TUT4: variants seen among roughly 807,000 people sequenced by gnomAD.
TUT4 encodes terminal uridylyltransferase 4.
Under a neutral mutation model 192.2 loss-of-function variants are expected in TUT4, and 36 were observed. That is an observed-to-expected ratio of 0.19 (90% CI 0.14 to 0.25). TUT4 has a LOEUF of 0.25. Ranked by LOEUF, TUT4 falls within the 10% of genes least tolerant of loss-of-function variation. TUT4 has a pLI of 1.00. For synonymous variants in TUT4, 618 were observed against 666.0 expected (o/e 0.93, Z 1.11); for missense variants, 1,493 against 1,957.2 (o/e 0.76, Z 4.47).
At chr1:52,521,114 T>C (rs1680150645) in intron 2 of TUT4, among the ~76,000 whole-genome samples, 1 of 152,200 alleles carries the variant, frequency 6.6e-6, no homozygotes. Context: ...ATATTTTTCT[T>C]ATTTATTGTG....
intron 2 of TUT4, 59 bp downstream of exon 2, chr1:52,525,504 A>G: frequency 6.5e-7 from 1 of 1,529,030 alleles, no homozygotes; most frequent in African/African-American, 1.4e-5. Flanking sequence ...TAAAATGGTT[A>G]AACCGGGGAT....
In TUT4 at chr1:52,497,106, G is replaced by A; in HGVS notation, c.1077C>T (p.Val359=). The A allele has an allele frequency of 1.2e-6, 2 of 1,613,950 alleles. No individual in the cohort carries two copies. Among genetic ancestry groups the A allele is most frequent in the East Asian group, 2.2e-5 (1 of 44,862 alleles). ...TTCCATGTTCTTTTGCTAATTCAATGACTGCAACACTTAAAGCAGCCAAGT... is the reference window on the plus strand; with the variant it reads ...TTCCATGTTCTTTTGCTAATTCAATAACTGCAACACTTAAAGCAGCCAAGT... The part of the protein sequence containing the change: ...PAHLAALSVA[V]IELAKEHGIT... The change falls in exon 5 of 30, where the codon GTC becomes GTT. Residue 359 remains valine (V), a synonymous_variant. Transcript: ENST00000257177.
chr1:52,521,083 C>T (rs948718608), intron 2 of TUT4, among the ~76,000 whole-genome samples: 2 of 151,998 alleles, frequency 1.3e-5, no homozygotes, highest in Non-Finnish European at 1.5e-5. Flanking sequence ...CGTGAGCCAC[C>T]GTGCCCGGCC....
intron 3 of TUT4, among the ~76,000 whole-genome samples, chr1:52,514,021 TTATTA>T (rs1318073686): frequency 6.6e-6 from 1 of 152,254 alleles, no homozygotes; most frequent in African/African-American, 2.4e-5. Context: ...AGGTCAATCT[TTATTA>T]TATTATAAAT....
Position 52,489,084 on chromosome 1 carries a change from C to G in TUT4, c.1389-49G>C, listed in dbSNP as rs758570100. 2.0e-6 allele frequency: 3 copies of G among 1,527,502 alleles called. No individual in the cohort carries two copies. In the East Asian group the frequency reaches 7.1e-5, roughly 36 times the overall value. 94.6% of individuals were successfully genotyped at this position (1,527,502 alleles called of 1,614,324 possible). ...TTCATTGTATTAATACCCTTAAAAG[C>G]AGAATACTTCAAATCCTGTGGCTAT... On this transcript the variant is annotated intron_variant, in intron 8 of 29. Coordinates refer to ENST00000257177, the MANE Select transcript of TUT4 (RefSeq NM_001009881.3).
intron 2 of TUT4, among the ~76,000 whole-genome samples, chr1:52,520,212 G>C (rs1271738125): frequency 6.6e-6 from 1 of 152,198 alleles, no homozygotes; most frequent in Admixed American, 6.5e-5. Flanking sequence ...GGGCAAGGCA[G>C]AGAAATAGGG....
In TUT4 at chr1:52,496,091, A is replaced by T. The variant is rs760303956; in HGVS notation, c.1178-576T>A. On this transcript the variant is annotated intron_variant, in intron 5 of 29. Coordinates refer to ENST00000257177, the MANE Select transcript of TUT4 (RefSeq NM_001009881.3). ...ACATGTTATTCCAAAAATCATAATA[A>T]GGCAAATGTTAAAAGGATCTCACCA... 5.9e-5 allele frequency among the ~76,000 whole-genome samples: 9 copies of T among 152,190 alleles called. 1 individual carries two copies. Among genetic ancestry groups the T allele is most frequent in the Admixed American group, 1.3e-4 (2 of 15,270 alleles).
chr1:52,509,804 G>C lies in TUT4; in HGVS notation c.883-92C>G, dbSNP rs936714118. ...AGTGAATAATACAATTATGTAAGTA[G>C]ACAGAAATAAGCACTGAAGGTTTTT... On this transcript the variant is annotated intron_variant, in intron 3 of 29. Transcript: ENST00000257177. 6.3e-6 allele frequency: 5 copies of C among 798,456 alleles called. No individual in the cohort carries two copies. The Admixed American group carries it at 1.1e-4, about 18-fold the overall frequency. 49.5% of individuals were successfully genotyped at this position (798,456 alleles called of 1,614,324 possible). A position where few individuals can be genotyped will look rare whatever the true frequency, so the allele number is the denominator to read the frequency against.
chr1:52,461,001 A>G (rs1272086902), intron 19 of TUT4, 133 bp downstream of exon 19: 2 of 635,364 alleles, frequency 3.1e-6, no homozygotes, highest in Non-Finnish European at 5.1e-6. Flanking sequence ...TTCAAGCTAT[A>G]TAATACTGAA....
chr1:52,439,581 A>G (rs1410517428), intron 24 of TUT4, among the ~76,000 whole-genome samples: 2 of 152,250 alleles, frequency 1.3e-5, no homozygotes, highest in Non-Finnish European at 2.9e-5. Context: ...GGATAAAAGT[A>G]TAAGAGACAC....
rs568419411 is a variant in TUT4, at chr1:52,430,964, C to A, written c.4711+49G>T. 2.1e-5 allele frequency: 32 copies of A among 1,510,196 alleles called. No individual in the cohort carries two copies. In the East Asian group the frequency reaches 7.1e-4, roughly 33 times the overall value. 93.5% of individuals were successfully genotyped at this position (1,510,196 alleles called of 1,614,324 possible). A position where few individuals can be genotyped will look rare whatever the true frequency, so the allele number is the denominator to read the frequency against. On this transcript the variant is annotated intron_variant, in intron 28 of 29. Coordinates refer to ENST00000257177, the MANE Select transcript of TUT4 (RefSeq NM_001009881.3). ...CTCACATTGTTTCTACAGACAGATA[C>A]AAAAGAAGAAAAGACATGCAGATAA...
intron 3 of TUT4, among the ~76,000 whole-genome samples, chr1:52,509,987 T>C (rs978145469): frequency 1.3e-5 from 2 of 152,144 alleles, no homozygotes; most frequent in Non-Finnish European, 2.9e-5. Flanking sequence ...TGTTTAATAT[T>C]CACCTACTAT....
At position 52,423,991 on chromosome 1, in the gene TUT4, T is replaced by C. The variant is rs1223117063; in HGVS notation, c.4882A>G (p.Thr1628Ala). ...GGACAACGCTCTCTACACCGACGGG[T>C]GGCACATCTGTCTGTTGGATACAAC... ...KPFYTQDRCA[T>A]RRCRERCPHP... The change falls in exon 30 of 30, where the codon ACC (threonine) becomes GCC (alanine). Residue 1628 changes from threonine to alanine, a missense_variant. Thr to Ala is a moderately conservative substitution (Grantham distance 58). Coordinates refer to ENST00000257177, the MANE Select transcript of TUT4 (RefSeq NM_001009881.3). 1 of 1,611,584 alleles carries C rather than the reference T, an allele frequency of 6.2e-7. No individual in the cohort carries two copies. Among genetic ancestry groups the C allele is most frequent in the Non-Finnish European group, 8.5e-7 (1 of 1,178,962 alleles).
At chr1:52,502,541 T>C (rs184128240) in intron 4 of TUT4, among the ~76,000 whole-genome samples, 1 of 151,622 alleles carries the variant, frequency 6.6e-6, no homozygotes, top group East Asian at 1.9e-4. Context: ...TCAGTAATAA[T>C]CTCCTTCTCC....
At chr1:52,514,424 G>C (rs1001617894) in intron 3 of TUT4, among the ~76,000 whole-genome samples, 1 of 152,196 alleles carries the variant, frequency 6.6e-6, no homozygotes, top group South Asian at 2.1e-4. Flanking sequence ...CTGGGCAACA[G>C]AGCGAGACTC....
Position 52,468,238 on chromosome 1 carries a change from G to A in TUT4, c.2908C>T (p.His970Tyr). ...DELSPPCSEQ[H>Y]NREQILIGLE... ...CCAATTAAAATTTGCTCCCTGTTGT[G>A]TTGTTCAGAACAAGGTGGTGATAAC... Residue 970 changes from histidine (H) to tyrosine (Y), a missense_variant, in exon 15 of 30, where the codon CAC becomes TAC. By Grantham distance (83) the His-to-Tyr change is moderately conservative. This residue lies in a region of TUT4 where 59 missense variants were observed against 114.3 expected (regional missense o/e 0.52). Transcript: ENST00000257177. 5 of 1,608,944 alleles carry A rather than the reference G, an allele frequency of 3.1e-6. No homozygotes were observed. The highest frequency in any genetic ancestry group is 4.2e-6 in the Non-Finnish European group (5 of 1,178,760).
At chr1:52,496,707 A>G (rs2149149555) in intron 5 of TUT4, among the ~76,000 whole-genome samples, 1 of 152,320 alleles carries the variant, frequency 6.6e-6, no homozygotes, top group East Asian at 1.9e-4. Flanking sequence ...AAATAATATA[A>G]CAAAATAGTC....
In TUT4 at chr1:52,436,875, C is replaced by T. The variant is rs149301397; in HGVS notation, c.4042G>A (p.Asp1348Asn). 538 of 1,613,756 alleles carry T rather than the reference C, an allele frequency of 3.3e-4. No individual in the cohort carries two copies. Among genetic ancestry groups the T allele is most frequent in the Non-Finnish European group, 4.2e-4 (492 of 1,179,986 alleles). The change falls in exon 26 of 30, where the codon GAT becomes AAT. Residue 1348 changes from aspartate to asparagine, a missense_variant. Asp to Asn is a conservative substitution (Grantham distance 23). Transcript: ENST00000257177. ...CTCGGGTCTCTAAAGTCTCGAGTAT[C>T]GTGGAGGTCTCGGGGGTCAAGAACA... Reference protein sequence around the residue: ...RDVLDPRDLHDTRDFRDPRDL... With the variant: ...RDVLDPRDLHNTRDFRDPRDL...
intron 18 of TUT4, 24 bp downstream of exon 18, chr1:52,461,489 C>T: frequency 6.3e-7 from 1 of 1,588,506 alleles, no homozygotes; most frequent in Non-Finnish European, 8.6e-7. Context: ...AAAGTATATA[C>T]ATGGCCTATA....
Sources: gnomAD v4.1 joint callset for allele counts (sites outside exome capture counted in the v4.1 genomes callset) on GRCh38, gnomAD v4.1.1 for gene constraint, gnomAD v4.1.1 regional missense constraint, MANE v1.5 for transcripts, NCBI Gene and HGNC (gene_info 2026-07-23, HGNC 2026-07-21) for gene names.